PRKCZ: variants seen among roughly 807,000 people sequenced by gnomAD.
The protein encoded by PRKCZ is protein kinase C zeta.
A neutral mutation model predicts 79.5 loss-of-function variants in PRKCZ; 33 were observed. That is an observed-to-expected ratio of 0.41 (90% CI 0.31 to 0.55). The LOEUF is 0.55. PRKCZ is among the 20% of genes least tolerant of loss of function. The probability of loss-of-function intolerance (pLI) is 0.19; values close to 1 mark genes in which losing one functional copy is unlikely to be tolerated. For synonymous variants in PRKCZ, 342 were observed against 320.9 expected (o/e 1.07, Z -0.70); for missense variants, 578 against 813.5 (o/e 0.71, Z 3.52).
intron 4 of PRKCZ, among the ~76,000 whole-genome samples, chr1:2,064,513 G>A (rs1477560415): frequency 2.0e-5 from 3 of 152,120 alleles, no homozygotes; most frequent in African/African-American, 4.8e-5. Flanking sequence ...TTTATGTTTA[G>A]GTCATGGATT....
At position 2,168,632 on chromosome 1, in the gene PRKCZ, C is replaced by G. The variant is rs955175158; in HGVS notation, c.975-886C>G. 6.6e-6 allele frequency among the ~76,000 whole-genome samples: 1 copy of G among 152,136 alleles called. No homozygotes were observed. The highest frequency in any genetic ancestry group is 1.9e-4 in the East Asian group (1 of 5,184). On this transcript the variant is annotated intron_variant, in intron 10 of 17. Transcript: ENST00000378567. This position sits in a 1 kb window ranked among gnomAD's most constrained non-coding sequence, Gnocchi z 4.7. ...TGGAGGGCAGGAGCAGGGACAGGTG[C>G]CTTGAGGCGTAACAGTGGCGGTGGT...
Position 2,127,284 on chromosome 1 carries a change from T to C in PRKCZ, c.335-7978T>C, listed in dbSNP as rs913949970. ...GTCACCTTTAAAAGCATAGCATGTT[T>C]TCAATCACATGTTCAGCTGGGAAAT... is the stretch of plus-strand genomic sequence containing the variant. On this transcript the variant is annotated intron_variant, in intron 4 of 17. Transcript: ENST00000378567. This position sits in a 1 kb window ranked among gnomAD's most constrained non-coding sequence, Gnocchi z 5.1. Among the ~76,000 whole-genome samples, 10 of 152,272 alleles carry C rather than the reference T, an allele frequency of 6.6e-5. No homozygotes were observed. The highest frequency in any genetic ancestry group is 2.2e-4 in the African/African-American group (9 of 41,476).
At position 2,122,809 on chromosome 1, in the gene PRKCZ, G is replaced by A. The variant is rs1360765992; in HGVS notation, c.335-12453G>A. Among the ~76,000 whole-genome samples the A allele has an allele frequency of 1.6e-4, 2 of 12,392 alleles. 1 individual carries two copies. Among genetic ancestry groups the A allele is most frequent in the Non-Finnish European group, 2.9e-4 (2 of 6,996 alleles). 8.1% of individuals were successfully genotyped at this position (12,392 alleles called of 152,430 possible). A position where few individuals can be genotyped will look rare whatever the true frequency, so the allele number is the denominator to read the frequency against. On this transcript the variant is annotated intron_variant, in intron 4 of 17. Coordinates refer to ENST00000378567, the MANE Select transcript of PRKCZ (RefSeq NM_002744.6). The stretch of plus-strand genomic sequence containing the variant: ...TAGGGTCGTGGCGGTGGTTAGGGTC[G>A]TGGCGGTGGTTAGGGTCGTGGCGGT...
intron 4 of PRKCZ, among the ~76,000 whole-genome samples, chr1:2,097,018 G>C (rs180903074): frequency 6.6e-6 from 1 of 152,214 alleles, no homozygotes; most frequent in Non-Finnish European, 1.5e-5. Context: ...CAAGGTCCAC[G>C]CAGCCCTTTG....
chr1:2,050,567 C>T lies in PRKCZ; in HGVS notation c.-64C>T. 1 of 1,084,352 alleles carries T rather than the reference C, an allele frequency of 9.2e-7. No individual in the cohort carries two copies. Among genetic ancestry groups the T allele is most frequent in the Non-Finnish European group, 1.2e-6 (1 of 858,692 alleles). The allele number at this position is 1,084,352 out of a possible 1,614,324, so 67.2% of individuals were successfully genotyped here. On this transcript the variant is annotated 5_prime_UTR_variant, in exon 1 of 18. Transcript: ENST00000378567. ...TTCCGCCGCGGCCCCACCTGGAGCC[C>T]CCGCCCCGCGCCATGGCCGGAGCTC...
In PRKCZ at chr1:2,172,947, C is replaced by T. The variant is rs1684727935; in HGVS notation, c.1285+559C>T. On this transcript the variant is annotated intron_variant, in intron 13 of 17. Transcript: ENST00000378567. The surrounding 1 kb of genome is among the most constrained non-coding windows in gnomAD (Gnocchi z 7.8). ...TGCGTGTGTGAAACGGGGATGTGGG[C>T]ACGCGTGTGCAGCCGTGTGTGCGTG... Among the ~76,000 whole-genome samples the T allele has an allele frequency of 6.6e-6, 1 of 150,772 alleles. No individual in the cohort carries two copies. Among genetic ancestry groups the T allele is most frequent in the Non-Finnish European group, 1.5e-5 (1 of 67,896 alleles).
At chr1:2,091,600 C>T (rs1178442664) in intron 4 of PRKCZ, among the ~76,000 whole-genome samples, 1 of 152,068 alleles carries the variant, frequency 6.6e-6, no homozygotes, top group Non-Finnish European at 1.5e-5. Context: ...TTTGCCTCTC[C>T]CGGTGGTTGG....
chr1:2,139,258 A>G (rs1676834123), intron 5 of PRKCZ, among the ~76,000 whole-genome samples: 1 of 152,206 alleles, frequency 6.6e-6, no homozygotes, highest in Non-Finnish European at 1.5e-5. Context: ...TCAGGGAAAC[A>G]CAAGACATTT....
chr1:2,127,402 CACCGCCGCCCCT>C lies in PRKCZ; in HGVS notation c.335-7859_335-7848del, dbSNP rs1674143955. Among the ~76,000 whole-genome samples the C allele has an allele frequency of 1.3e-5, 2 of 151,526 alleles. No homozygotes were observed. Among genetic ancestry groups the C allele is most frequent in the African/African-American group, 4.9e-5 (2 of 41,004 alleles). ...GGGGCTGCACCTCCACTGCCCCCCC[CACCGCCGCCCCT>C]GCCCCACGGCCACCCCAGATCCTCA... On this transcript the variant is annotated intron_variant, in intron 4 of 17. Coordinates refer to ENST00000378567, the MANE Select transcript of PRKCZ (RefSeq NM_002744.6). The surrounding 1 kb of genome is among the most constrained non-coding windows in gnomAD (Gnocchi z 5.1).
chr1:2,158,508 T>C (rs1681561336), intron 10 of PRKCZ, among the ~76,000 whole-genome samples: 1 of 152,230 alleles, frequency 6.6e-6, no homozygotes, highest in Non-Finnish European at 1.5e-5. Flanking sequence ...TGCCTCCCTT[T>C]GTGCATTCCC....
At chr1:2,167,880 C>T (rs978544300) in intron 10 of PRKCZ, among the ~76,000 whole-genome samples, 2 of 128,406 alleles carry the variant, frequency 1.6e-5, no homozygotes, top group South Asian at 2.6e-4. Context: ...GCTGGGATTA[C>T]AGGCCTCGTG....
At chr1:2,096,340 G>A (rs756085232) in intron 4 of PRKCZ, among the ~76,000 whole-genome samples, 6 of 152,054 alleles carry the variant, frequency 3.9e-5, no homozygotes, top group Non-Finnish European at 5.9e-5. Context: ...AGCTGCCACC[G>A]AGAGAGGCCC....
intron 1 of PRKCZ, among the ~76,000 whole-genome samples, chr1:2,053,753 G>A (rs1426457434): frequency 1.3e-5 from 2 of 152,216 alleles, no homozygotes; most frequent in African/African-American, 2.4e-5. Flanking sequence ...GGAGTTCCTG[G>A]TGGTCAGACT....
rs1674295290 is a variant in PRKCZ at position 2,128,085 on chromosome 1, C to T, written c.335-7177C>T. On this transcript the variant is annotated intron_variant, in intron 4 of 17. Transcript: ENST00000378567. This position sits in a 1 kb window ranked among gnomAD's most constrained non-coding sequence, Gnocchi z 6.5. ...AAGCTCCGGAGTCTAGAGGTGGCAG[C>T]ACCCATTTTACCTGCACCCTCAGTG... Among the ~76,000 whole-genome samples, 1 of 152,210 alleles carries T rather than the reference C, an allele frequency of 6.6e-6. No individual in the cohort carries two copies. The highest frequency in any genetic ancestry group is 6.5e-5 in the Admixed American group (1 of 15,278).
intron 11 of PRKCZ, 114 bp from the exon 12 acceptor site, chr1:2,171,941 G>T: frequency 7.6e-7 from 1 of 1,308,258 alleles, no homozygotes; most frequent in African/African-American, 1.5e-5. Context: ...CCTGGTCATT[G>T]AGAGGATGCC....
At chr1:2,181,346 A>G (rs949245162) in intron 16 of PRKCZ, among the ~76,000 whole-genome samples, 1 of 152,166 alleles carries the variant, frequency 6.6e-6, no homozygotes, top group African/African-American at 2.4e-5. Context: ...TTGGGCCCCC[A>G]GCCCCATTGA....
intron 7 of PRKCZ, among the ~76,000 whole-genome samples, chr1:2,147,639 CTAT>C (rs1678894475): frequency 6.6e-6 from 1 of 151,642 alleles, no homozygotes; most frequent in East Asian, 1.9e-4. Context: ...ACCTCTCCAT[CTAT>C]CCATCCATCT....
At chr1:2,064,433 A>G (rs900750033) in intron 4 of PRKCZ, among the ~76,000 whole-genome samples, 4 of 152,210 alleles carry the variant, frequency 2.6e-5, no homozygotes, top group African/African-American at 9.7e-5. Context: ...CATCCAAGAA[A>G]TCACTGCCAA....
chr1:2,069,297 C>T (rs1661374805), intron 4 of PRKCZ, among the ~76,000 whole-genome samples: 1 of 152,128 alleles, frequency 6.6e-6, no homozygotes, highest in Admixed American at 6.5e-5. Context: ...AGGCGTGGTC[C>T]AGGAGGTGAT....
Sources: gnomAD v4.1 joint callset for allele counts (sites outside exome capture counted in the v4.1 genomes callset) on GRCh38, gnomAD v4.1.1 for gene constraint, Gnocchi (gnomAD v3.1) non-coding constraint, MANE v1.5 for transcripts, NCBI Gene and HGNC (gene_info 2026-07-23, HGNC 2026-07-21) for gene names.